The following FGD5 variants were observed in gnomAD, a reference collection of about 807,000 sequenced individuals.
FGD5 encodes the protein FYVE, RhoGEF and PH domain-containing protein 5.
Under a neutral mutation model 133.4 loss-of-function variants are expected in FGD5, and 28 were observed. The observed-to-expected ratio is 0.21, with a 90% CI of 0.16 to 0.29. The LOEUF (loss-of-function observed/expected upper bound fraction) is 0.29. FGD5 is among the 10% of genes least tolerant of loss of function. The probability of loss-of-function intolerance (pLI) is 1.00; values close to 1 mark genes in which losing one functional copy is unlikely to be tolerated. For missense variants in FGD5, 1,858 were observed against 1,895.2 expected, an observed-to-expected ratio of 0.98 and a Z score of 0.36; for synonymous variants, 810 against 776.5, an observed-to-expected ratio of 1.04 and a Z score of -0.72.
chr3:14,835,987 G>C (rs980000353), intron 1 of FGD5, among the ~76,000 whole-genome samples: 3 of 152,194 alleles, frequency 2.0e-5, no homozygotes, highest in Admixed American at 1.3e-4. Flanking sequence ...CCAGGGAAGG[G>C]GCAGAGATGA....
chr3:14,901,635 A>G (rs1048184940), intron 9 of FGD5, among the ~76,000 whole-genome samples: 8 of 152,178 alleles, frequency 5.3e-5, no homozygotes, highest in Non-Finnish European at 1.2e-4. Context: ...CAATGGTTCC[A>G]AGCCCGAGTC....
chr3:14,905,953 A>G (rs574034919), intron 9 of FGD5, among the ~76,000 whole-genome samples: 2 of 152,050 alleles, frequency 1.3e-5, no homozygotes, highest in South Asian at 4.2e-4. Flanking sequence ...ATGGCTGTTC[A>G]CGGTAGGGTA....
intron 1 of FGD5, among the ~76,000 whole-genome samples, chr3:14,825,145 G>A (rs186919126): frequency 1.3e-5 from 2 of 152,338 alleles, no homozygotes. Context: ...GGGTCTAATG[G>A]ATGATTGTAA....
At chr3:14,840,154 T>A (rs2036893090) in intron 1 of FGD5, among the ~76,000 whole-genome samples, 2 of 152,022 alleles carry the variant, frequency 1.3e-5, no homozygotes, top group South Asian at 4.2e-4. Flanking sequence ...TTCTTTTTTT[T>A]TTTTTTGAGA....
chr3:14,875,673 A>G (rs60282965), intron 2 of FGD5, among the ~76,000 whole-genome samples: 4,761 of 152,182 alleles, frequency 0.031, 217 homozygotes, highest in African/African-American at 0.11. Flanking sequence ...AATGAGAGAC[A>G]GGCCAGTCAA....
chr3:14,810,842 G>T, upstream of FGD5: 7 of 985,002 alleles, frequency 7.1e-6, no homozygotes, highest in Non-Finnish European at 8.4e-6. Flanking sequence ...CCCGGGCCCC[G>T]CGCGCTGAAG....
In FGD5 at chr3:14,874,068, A is replaced by C. The variant is rs1182662318; in HGVS notation, c.2659-6504A>C. 2.0e-5 allele frequency among the ~76,000 whole-genome samples: 3 copies of C among 151,244 alleles called. No homozygotes were observed. In the East Asian group the frequency reaches 6.1e-4, roughly 31 times the overall value. ...ATCCTTCGGTGAGTGGATAAGGAAAATGTGGTCTGTGTATACAATGGAATA... is the reference window on the plus strand; with the variant it reads ...ATCCTTCGGTGAGTGGATAAGGAAACTGTGGTCTGTGTATACAATGGAATA... On this transcript the variant is annotated intron_variant, in intron 2 of 19. Transcript: ENST00000285046.
rs1363788488 is a variant in FGD5 at position 14,851,038 on chromosome 3, G to A, written c.2526-13090G>A. On this transcript the variant is annotated intron_variant, in intron 1 of 19. Transcript: ENST00000285046. Reference sequence around the variant, plus strand: ...GTGGTGAGAAGGGCTTCTAGTTCTAGTTCTCTTATTTTACAGATGGGGAAA... The same window carrying A: ...GTGGTGAGAAGGGCTTCTAGTTCTAATTCTCTTATTTTACAGATGGGGAAA... 2.0e-5 allele frequency among the ~76,000 whole-genome samples: 3 copies of A among 152,290 alleles called. No homozygotes were observed. The East Asian group carries it at 5.8e-4, about 29-fold the overall frequency.
intron 1 of FGD5, among the ~76,000 whole-genome samples, chr3:14,850,151 C>G (rs1393352294): frequency 6.6e-6 from 1 of 152,192 alleles, no homozygotes; most frequent in African/African-American, 2.4e-5. Flanking sequence ...TCCTCTGACT[C>G]CCAGAGCGGA....
chr3:14,875,735 G>C (rs1374695677), intron 2 of FGD5, among the ~76,000 whole-genome samples: 2 of 152,146 alleles, frequency 1.3e-5, no homozygotes, highest in African/African-American at 4.8e-5. Flanking sequence ...GGGAAGCCTG[G>C]ACTTCAGAGG....
chr3:14,811,875 C>T (rs372626268), intron 1 of FGD5, among the ~76,000 whole-genome samples: 1 of 152,108 alleles, frequency 6.6e-6, no homozygotes, highest in South Asian at 2.1e-4. Flanking sequence ...TTCTTTTTCT[C>T]ACAGAATTTA....
chr3:14,860,980 A>C (rs904258652), intron 1 of FGD5, among the ~76,000 whole-genome samples: 18 of 152,160 alleles, frequency 1.2e-4, no homozygotes, highest in African/African-American at 4.1e-4. Flanking sequence ...CCCTGTGTCT[A>C]AAAATAATAA....
rs775556953 is a variant in FGD5 at position 14,923,986 on chromosome 3, A to T, written c.3938-22A>T. The T allele has an allele frequency of 5.6e-6, 9 of 1,613,690 alleles. No homozygotes were observed. In the Admixed American group the frequency reaches 1.2e-4, roughly 21 times the overall value. ...CAGGCACGCCTCTCACCTCCCTTCC[A>T]TGTGGCTTCTTTCAGTTACAGAGCG... On this transcript the variant is annotated intron_variant, in intron 16 of 19. Transcript: ENST00000285046.
intron 4 of FGD5, among the ~76,000 whole-genome samples, chr3:14,881,906 A>G (rs911640271): frequency 1.3e-5 from 2 of 152,134 alleles, no homozygotes; most frequent in Non-Finnish European, 2.9e-5. Context: ...GGTGTACCAG[A>G]GCACTCAACA....
intron 2 of FGD5, among the ~76,000 whole-genome samples, chr3:14,874,366 A>C (rs888200254): frequency 6.6e-6 from 1 of 152,136 alleles, no homozygotes; most frequent in African/African-American, 2.4e-5. Context: ...AAAAAATAAA[A>C]AAATTAGCTG....
chr3:14,834,128 A>G lies in FGD5; in HGVS notation c.2525+12532A>G, dbSNP rs1575195932. ...AATGAATAGGATGCCAATTAATGAGATTGTCATGGTGGATAGAAGTCTTGA... is the reference window on the plus strand; with the variant it reads ...AATGAATAGGATGCCAATTAATGAGGTTGTCATGGTGGATAGAAGTCTTGA... On this transcript the variant is annotated intron_variant, in intron 1 of 19. Coordinates refer to ENST00000285046, the MANE Select transcript of FGD5 (RefSeq NM_152536.4). Among the ~76,000 whole-genome samples, 4 of 152,300 alleles carry G rather than the reference A, an allele frequency of 2.6e-5. 1 individual carries two copies. The Middle Eastern group carries it at 0.014, about 518-fold the overall frequency.
intron 4 of FGD5, among the ~76,000 whole-genome samples, chr3:14,890,486 C>T (rs763703336): frequency 2.6e-5 from 4 of 152,124 alleles, no homozygotes; most frequent in Admixed American, 6.6e-5. Flanking sequence ...TGCCTCCTAC[C>T]CACTTCCTCC....
intron 1 of FGD5, among the ~76,000 whole-genome samples, chr3:14,835,092 G>A (rs1328475465): frequency 6.6e-6 from 1 of 152,172 alleles, no homozygotes; most frequent in Non-Finnish European, 1.5e-5. Flanking sequence ...AGGACCCAGC[G>A]GTGCTTTCCC....
chr3:14,846,255 G>T (rs1023642755), intron 1 of FGD5, among the ~76,000 whole-genome samples: 12 of 152,138 alleles, frequency 7.9e-5, no homozygotes, highest in Admixed American at 2.6e-4. Context: ...GGAGCCAAAA[G>T]ATTGTACTAG....
Sources: gnomAD v4.1 joint callset for allele counts (sites outside exome capture counted in the v4.1 genomes callset) on GRCh38, gnomAD v4.1.1 for gene constraint, MANE v1.5 for transcripts, NCBI Gene and HGNC (gene_info 2026-07-23, HGNC 2026-07-21) for gene names.